The following PLCB4 variants were observed in gnomAD, a reference collection of about 807,000 sequenced individuals.
The protein encoded by PLCB4 is phospholipase C beta 4, also known as 1-phosphatidylinositol 4,5-bisphosphate phosphodiesterase beta-4.
A neutral mutation model predicts 178.8 loss-of-function variants in PLCB4; 77 were observed. The observed-to-expected ratio is 0.43, with a 90% CI of 0.36 to 0.52. The LOEUF is 0.52. PLCB4 is among the 20% of genes least tolerant of loss of function. PLCB4 has a pLI of 0.00. For missense variants in PLCB4, 1,024 were observed against 1,453.4 expected (o/e 0.70, Z 4.80); for synonymous variants, 496 against 490.8 (o/e 1.01, Z -0.14).
intron 7 of PLCB4, among the ~76,000 whole-genome samples, chr20:9,345,388 T>C (rs1432411482): frequency 6.6e-6 from 1 of 152,182 alleles, no homozygotes; most frequent in Non-Finnish European, 1.5e-5. Flanking sequence ...CATGTTTTCT[T>C]TTGTTTTTTC....
intron 9 of PLCB4, chr20:9,370,984 A>T (rs1329552805): frequency 4.6e-6 from 2 of 438,992 alleles, no homozygotes; most frequent in South Asian, 4.2e-5. Flanking sequence ...CACCAGGGGG[A>T]CCCCTGGTCT....
chr20:9,463,479 A>C (rs1330396103), intron 35 of PLCB4, among the ~76,000 whole-genome samples: 1 of 151,390 alleles, frequency 6.6e-6, no homozygotes, highest in Non-Finnish European at 1.5e-5. Flanking sequence ...GGCAAACTGG[A>C]TTAAGAGTCA....
chr20:9,249,959 G>A (rs183683575), intron 3 of PLCB4, among the ~76,000 whole-genome samples: 1 of 152,254 alleles, frequency 6.6e-6, no homozygotes, highest in Admixed American at 6.5e-5. Flanking sequence ...AGTTATAAGG[G>A]AGAGAGGTCA....
intron 2 of PLCB4, among the ~76,000 whole-genome samples, chr20:9,172,391 T>C (rs1456513131): frequency 6.6e-6 from 1 of 152,184 alleles, no homozygotes; most frequent in African/African-American, 2.4e-5. Context: ...GCATAAAACC[T>C]CACCTTGCTG....
rs147500952 is a variant in PLCB4, at chr20:9,153,429, A to G, written c.-79+57087A>G. ...GTGTTATTCTCTTGATAGTGAATAC[A>G]TCTTGAGATCTGATGGGTTTATCAG... is the stretch of plus-strand genomic sequence containing the variant. On this transcript the variant is annotated intron_variant, in intron 2 of 39. Transcript: ENST00000378473. 5.3e-5 allele frequency among the ~76,000 whole-genome samples: 8 copies of G among 152,226 alleles called. No individual in the cohort carries two copies. In the East Asian group the frequency reaches 1.2e-3, roughly 22 times the overall value.
intron 3 of PLCB4, among the ~76,000 whole-genome samples, chr20:9,224,758 A>G (rs528111701): frequency 2.5e-4 from 38 of 152,298 alleles, no homozygotes; most frequent in Middle Eastern, 3.4e-3. Context: ...TTAGAAGGAA[A>G]GGGGAAAAGC....
chr20:9,294,736 C>T lies in PLCB4; in HGVS notation c.-15-13064C>T, dbSNP rs146688768. Among the ~76,000 whole-genome samples, 235 of 152,148 alleles carry T rather than the reference C, an allele frequency of 1.5e-3. 1 individual carries two copies. Among genetic ancestry groups the T allele is most frequent in the African/African-American group, 5.4e-3 (224 of 41,512 alleles). Reference sequence around the variant, plus strand: ...CAATCACCTGGCTAGCTGGATACACCGTGGATTCCTGGACCCCACCAGCAG... The same window carrying T: ...CAATCACCTGGCTAGCTGGATACACTGTGGATTCCTGGACCCCACCAGCAG... On this transcript the variant is annotated intron_variant, in intron 3 of 39. Transcript: ENST00000378473.
In PLCB4 at chr20:9,436,798, T is replaced by C. The variant is rs563990682; in HGVS notation, c.2614-204T>C. Among the ~76,000 whole-genome samples the C allele has an allele frequency of 1.5e-4, 23 of 152,342 alleles. No homozygotes were observed. The South Asian group carries it at 3.5e-3, about 23-fold the overall frequency. On this transcript the variant is annotated intron_variant, in intron 29 of 39. Coordinates refer to ENST00000378473, the MANE Select transcript of PLCB4 (RefSeq NM_001377142.1). Reference sequence around the variant, plus strand: ...CAGTTTGGAATGGATGTAGCATCTCTCCAATAGCTAGAAAAAGAGAAAGTA... The same window carrying C: ...CAGTTTGGAATGGATGTAGCATCTCCCCAATAGCTAGAAAAAGAGAAAGTA...
At chr20:9,145,587 A>T (rs1003165151) in intron 2 of PLCB4, among the ~76,000 whole-genome samples, 1 of 150,648 alleles carries the variant, frequency 6.6e-6, no homozygotes, top group African/African-American at 2.5e-5. Flanking sequence ...GGCAGGGGAG[A>T]GGATAGGGAG....
At chr20:9,266,876 A>G (rs2094354652) in intron 3 of PLCB4, among the ~76,000 whole-genome samples, 1 of 152,276 alleles carries the variant, frequency 6.6e-6, no homozygotes, top group South Asian at 2.1e-4. Flanking sequence ...AAATTAAGTT[A>G]ACATTAAACT....
chr20:9,132,508 A>G (rs1038719752), intron 2 of PLCB4, among the ~76,000 whole-genome samples: 5 of 152,192 alleles, frequency 3.3e-5, no homozygotes, highest in Admixed American at 1.3e-4. Context: ...AACTTTAGGA[A>G]GTTTTCATAT....
At chr20:9,449,275 A>G (rs1361648797) in intron 32 of PLCB4, among the ~76,000 whole-genome samples, 1 of 152,182 alleles carries the variant, frequency 6.6e-6, no homozygotes, top group East Asian at 1.9e-4. Flanking sequence ...AATGAGGTCA[A>G]TTCCTTAGAG....
chr20:9,155,152 C>T (rs983760372), intron 2 of PLCB4, among the ~76,000 whole-genome samples: 1 of 149,050 alleles, frequency 6.7e-6, no homozygotes, highest in Non-Finnish European at 1.5e-5. Flanking sequence ...CTCTCTATGC[C>T]TTTGCTTACT....
At chr20:9,307,508 C>CACAT (rs2094784017) in intron 3 of PLCB4, among the ~76,000 whole-genome samples, 2 of 85,520 alleles carry the variant, frequency 2.3e-5, no homozygotes, top group African/African-American at 6.4e-5. Flanking sequence ...CACACACACA[C>CACAT]ACACACACAC....
At chr20:9,469,244 G>T (rs2044014149) in intron 36 of PLCB4, among the ~76,000 whole-genome samples, 2 of 152,178 alleles carry the variant, frequency 1.3e-5, no homozygotes, top group Admixed American at 6.5e-5. Flanking sequence ...GCCTCCCAAA[G>T]TGCTGGGATT....
Position 9,323,986 on chromosome 20 carries a change from C to T in PLCB4, c.85-13140C>T, listed in dbSNP as rs567503549. The stretch of plus-strand genomic sequence containing the variant: ...TCTCCCTGTCACTCGGTTTCTCTCC[C>T]CTTTCTCTTTCACAGGCATTTGCCC... On this transcript the variant is annotated intron_variant, in intron 4 of 39. Transcript: ENST00000378473. 3.9e-5 allele frequency among the ~76,000 whole-genome samples: 6 copies of T among 152,214 alleles called. No individual in the cohort carries two copies. The East Asian group carries it at 1.2e-3, about 29-fold the overall frequency.
At chr20:9,088,765 A>G (rs1348772003) in intron 1 of PLCB4, among the ~76,000 whole-genome samples, 1 of 152,202 alleles carries the variant, frequency 6.6e-6, no homozygotes, top group Non-Finnish European at 1.5e-5. Flanking sequence ...AGGTTGGCCT[A>G]TATAAAACCT....
intron 2 of PLCB4, among the ~76,000 whole-genome samples, chr20:9,203,789 T>G (rs1008839288): frequency 4.7e-4 from 64 of 136,966 alleles, no homozygotes; most frequent in African/African-American, 1.8e-3. Flanking sequence ...TTTTTTTTTT[T>G]TTTTTTTTTT....
chr20:9,077,591 G>A (rs1461725954), intron 1 of PLCB4, among the ~76,000 whole-genome samples: 1 of 152,170 alleles, frequency 6.6e-6, no homozygotes, highest in Non-Finnish European at 1.5e-5. Context: ...GATCAGTTAA[G>A]GGGCTAATGT....
Sources: allele counts gnomAD v4.1 joint callset (sites outside exome capture counted in the v4.1 genomes callset), GRCh38; gene constraint gnomAD v4.1.1; transcripts MANE v1.5; gene names NCBI Gene and HGNC (gene_info 2026-07-23, HGNC 2026-07-21).